The following SGSM3 variants were observed in gnomAD, a reference collection of about 807,000 sequenced individuals.
The protein encoded by SGSM3 is small G protein signaling modulator 3, also known as RUN and SH3 containing 3.
Under a neutral mutation model 100.5 loss-of-function variants are expected in SGSM3, and 96 were observed. The observed-to-expected ratio is 0.96, with a 90% CI of 0.81 to 1.13. SGSM3 has a LOEUF of 1.13. Among genes scored for constraint, SGSM3 ranks in the 50% most tolerant of loss-of-function variants. SGSM3 has a pLI of 0.00. For missense variants in SGSM3, 1,001 were observed against 1,015.8 expected (o/e 0.99, Z 0.20); for synonymous variants, 483 against 422.8 (o/e 1.14, Z -1.75).
intron 3 of SGSM3, 34 bp downstream of exon 3, chr22:40,401,709 C>T (rs776404831): frequency 6.3e-7 from 1 of 1,577,902 alleles, no homozygotes; most frequent in Non-Finnish European, 8.7e-7. Context: ...GCCTGCTGTG[C>T]TCCCACGCTG....
intron 1 of SGSM3, among the ~76,000 whole-genome samples, chr22:40,393,591 C>T (rs2049647767): frequency 6.6e-6 from 1 of 152,272 alleles, no homozygotes; most frequent in Admixed American, 6.5e-5. Context: ...GACCAGTTCT[C>T]TGTCCTCACA....
chr22:40,407,750 C>T lies in SGSM3; in HGVS notation c.1525-39C>T, dbSNP rs2051813931. 6.2e-7 allele frequency: 1 copy of T among 1,610,836 alleles called. No homozygotes were observed. The highest frequency in any genetic ancestry group is 1.3e-5 in the African/African-American group (1 of 74,858). On this transcript the variant is annotated intron_variant, in intron 13 of 21. Coordinates refer to ENST00000248929, the MANE Select transcript of SGSM3 (RefSeq NM_015705.6). This position sits in a 1 kb window ranked among gnomAD's most constrained non-coding sequence, Gnocchi z 4.7. ...GGGTGCAGGAGGCGCTGGCCCAGGG[C>T]ACCCAGCTTTGGTTCCTGCTGTTTT...
intron 1 of SGSM3, among the ~76,000 whole-genome samples, chr22:40,400,072 T>A (rs1310516707): frequency 6.6e-6 from 1 of 152,184 alleles, no homozygotes; most frequent in Non-Finnish European, 1.5e-5. Context: ...CTTACCTAAT[T>A]CTTCCCGATT....
chr22:40,394,645 C>CAGAA (rs2049819410), intron 1 of SGSM3, among the ~76,000 whole-genome samples: 1 of 84,132 alleles, frequency 1.2e-5, no homozygotes, highest in African/African-American at 5.0e-5. Flanking sequence ...ACTCCTGTCT[C>CAGAA]AAAAAAAAAA....
chr22:40,382,022 A>C (rs2047656182), intron 1 of SGSM3, among the ~76,000 whole-genome samples: 1 of 152,158 alleles, frequency 6.6e-6, no homozygotes, highest in South Asian at 2.1e-4. Flanking sequence ...TAAAAGCTCC[A>C]CAGAGACAGG....
chr22:40,382,515 A>G (rs1398991634), intron 1 of SGSM3, among the ~76,000 whole-genome samples: 1 of 152,150 alleles, frequency 6.6e-6, no homozygotes, highest in East Asian at 1.9e-4. Flanking sequence ...TACCTACCTC[A>G]CAGCATGGCA....
intron 1 of SGSM3, among the ~76,000 whole-genome samples, chr22:40,400,352 G>A (rs1044895869): frequency 6.6e-6 from 1 of 152,148 alleles, no homozygotes; most frequent in Non-Finnish European, 1.5e-5. Context: ...GTAAAAGGAA[G>A]TAAAGGCTTG....
Position 40,409,899 on chromosome 22 carries a change from C to A in SGSM3, c.*140C>A. The A allele has an allele frequency of 7.0e-7, 1 of 1,420,688 alleles. No homozygotes were observed. 88.0% of individuals were successfully genotyped at this position (1,420,688 alleles called of 1,614,324 possible). A position where few individuals can be genotyped will look rare whatever the true frequency, so the allele number is the denominator to read the frequency against. On this transcript the variant is annotated 3_prime_UTR_variant, in exon 22 of 22. Transcript: ENST00000248929. ...TATCAGGCTGCCCCACTCCACGTTCCCCAGCACATCCCAGGTGGTGGGAGC... is the reference window on the plus strand; with the variant it reads ...TATCAGGCTGCCCCACTCCACGTTCACCAGCACATCCCAGGTGGTGGGAGC...
At chr22:40,404,044 A>G in intron 4 of SGSM3, 1 of 423,710 alleles carries the variant, frequency 2.4e-6, no homozygotes, top group Non-Finnish European at 4.1e-6. Context: ...GGAGAAGGTG[A>G]AGAGCTTTGC....
At position 40,407,648 on chromosome 22, in the gene SGSM3, C is replaced by A; in HGVS notation, c.1524+80C>A. 1 of 1,579,624 alleles carries A rather than the reference C, an allele frequency of 6.3e-7. No individual in the cohort carries two copies. The highest frequency in any genetic ancestry group is 8.6e-7 in the Non-Finnish European group (1 of 1,160,992). On this transcript the variant is annotated intron_variant, in intron 13 of 21. Coordinates refer to ENST00000248929, the MANE Select transcript of SGSM3 (RefSeq NM_015705.6). The surrounding 1 kb of genome is among the most constrained non-coding windows in gnomAD (Gnocchi z 4.7). ...TCCCTCCACCAAGCCCCACCCCAACCCCTTTCCCTGCCAAGAGCTTCTCTT... is the reference window on the plus strand; with the variant it reads ...TCCCTCCACCAAGCCCCACCCCAACACCTTTCCCTGCCAAGAGCTTCTCTT...
chr22:40,409,119 C>G, intron 19 of SGSM3, 101 bp downstream of exon 19: 1 of 1,552,446 alleles, frequency 6.4e-7, no homozygotes, highest in Non-Finnish European at 8.7e-7. Context: ...CAAAGAACCT[C>G]AGGGGCTCAG....
At chr22:40,394,586 CAGTG>C (rs2049808123) in intron 1 of SGSM3, among the ~76,000 whole-genome samples, 1 of 144,554 alleles carries the variant, frequency 6.9e-6, no homozygotes, top group Admixed American at 7.4e-5. Context: ...GTGGAGGTTG[CAGTG>C]AGTGAGATTG....
chr22:40,379,785 T>C, intron 1 of SGSM3, among the ~76,000 whole-genome samples: 1 of 152,182 alleles, frequency 6.6e-6, no homozygotes, highest in African/African-American at 2.4e-5. Flanking sequence ...CTCCACTCAC[T>C]GCAACCTCCA....
intron 1 of SGSM3, among the ~76,000 whole-genome samples, chr22:40,381,522 C>G (rs943344243): frequency 3.3e-5 from 5 of 152,138 alleles, no homozygotes; most frequent in Non-Finnish European, 7.3e-5. Context: ...TATTATTACT[C>G]CAAATTTAAA....
intron 1 of SGSM3, among the ~76,000 whole-genome samples, chr22:40,371,553 T>A (rs1468172200): frequency 1.3e-5 from 2 of 152,254 alleles, no homozygotes; most frequent in Non-Finnish European, 2.9e-5. Flanking sequence ...GACAGGTTTG[T>A]GATTAGGTTT....
intron 1 of SGSM3, among the ~76,000 whole-genome samples, chr22:40,385,686 G>A (rs2048303553): frequency 6.6e-6 from 1 of 152,134 alleles, no homozygotes; most frequent in African/African-American, 2.4e-5. Flanking sequence ...GAGTAGTTGG[G>A]TTTCAGAAGA....
At chr22:40,406,786 G>A (rs1046584378) in intron 10 of SGSM3, 124 bp downstream of exon 10, 13 of 944,686 alleles carry the variant, frequency 1.4e-5, no homozygotes, top group Admixed American at 6.2e-5. Flanking sequence ...CCCCAGCCTG[G>A]CCCAGTCAGA....
intron 1 of SGSM3, among the ~76,000 whole-genome samples, chr22:40,375,143 G>A (rs2046337761): frequency 6.6e-6 from 1 of 152,170 alleles, no homozygotes; most frequent in Non-Finnish European, 1.5e-5. Flanking sequence ...CTTTTGCAGT[G>A]ATAAACATAT....
intron 1 of SGSM3, among the ~76,000 whole-genome samples, chr22:40,372,237 C>T (rs1163170750): frequency 3.3e-5 from 5 of 150,290 alleles, no homozygotes; most frequent in Non-Finnish European, 7.4e-5. Flanking sequence ...CGCCATTCTC[C>T]TGCCTCAGCC....
Sources: gnomAD v4.1 joint callset for allele counts (sites outside exome capture counted in the v4.1 genomes callset) on GRCh38, gnomAD v4.1.1 for gene constraint, Gnocchi (gnomAD v3.1) non-coding constraint, MANE v1.5 for transcripts, NCBI Gene and HGNC (gene_info 2026-07-23, HGNC 2026-07-21) for gene names.